Variants in DIAPH2 observed in about 807,000 individuals in gnomAD.
DIAPH2 encodes protein diaphanous homolog 2.
DIAPH2 carries 35 observed loss-of-function variants against 92.7 expected under a neutral mutation model. The ratio of observed to expected loss-of-function variants is 0.38; its 90% confidence interval spans 0.29 to 0.50. The LOEUF (loss-of-function observed/expected upper bound fraction) is 0.50, where lower values mean the gene tolerates loss of function less well. Ranked by LOEUF, DIAPH2 falls within the 20% of genes least tolerant of loss-of-function variation. The pLI is 0.94. For synonymous variants in DIAPH2, 301 were observed against 280.4 expected (o/e 1.07, Z -0.73); for missense variants, 701 against 819.5 (o/e 0.86, Z 1.77).
rs1239959717 is a variant in DIAPH2, at chrX:97,045,848, A to ACTTTTTTTTTTTTTTTTTTTTTTTTTTTT, written c.2051-27093_2051-27092insCTTTTTTTTTTTTTTTTTTTTTTTTTTTT. 3.1e-5 allele frequency among the ~76,000 whole-genome samples: 2 copies of ACTTTTTTTTTTTTTTTTTTTTTTTTTTTT among 64,445 alleles called. 1 individual carries two copies. Among genetic ancestry groups the ACTTTTTTTTTTTTTTTTTTTTTTTTTTTT allele is most frequent in the African/African-American group, 1.2e-4 (2 of 16,620 alleles). The allele number at this position is 64,445 out of a possible 115,157, so 56.0% of individuals were successfully genotyped here. On this transcript the variant is annotated intron_variant, in intron 17 of 26. Transcript: ENST00000324765. ...GGGTATGGTATTAGGGTATTTTAGG[A>ACTTTTTTTTTTTTTTTTTTTTTTTTTTTT]TTTTTTTTTTTTTTTTTTTTTTTGA...
intron 22 of DIAPH2, among the ~76,000 whole-genome samples, chrX:97,194,934 G>C (rs1421852487): frequency 9.0e-6 from 1 of 111,701 alleles, no homozygotes; most frequent in African/African-American, 3.3e-5. Flanking sequence ...TAAACCATTT[G>C]GTTGGGGAGT....
intron 22 of DIAPH2, among the ~76,000 whole-genome samples, chrX:97,166,433 G>A (rs761937196): frequency 2.7e-5 from 3 of 111,584 alleles, no homozygotes; most frequent in Non-Finnish European, 5.6e-5. Context: ...TGGGAGATGC[G>A]AATACCTATT....
chrX:96,731,065 T>G (rs996941495), intron 1 of DIAPH2, among the ~76,000 whole-genome samples: 5 of 111,002 alleles, frequency 4.5e-5, no homozygotes, highest in African/African-American at 1.6e-4. Context: ...TGTCATCAGT[T>G]AAGGCAAGGA....
rs188161785 is a variant in DIAPH2, at chrX:97,534,637, G to A, written c.3242-64616G>A. On this transcript the variant is annotated intron_variant, in intron 26 of 26. Transcript: ENST00000324765. ...TAACATTCTCCATAAATAGCTTATT[G>A]TAGTGTTACAATGAAAGAAAAATTT... Among the ~76,000 whole-genome samples the A allele has an allele frequency of 9.3e-3, 1,030 of 110,562 alleles. 21 individuals are homozygous for A. Among genetic ancestry groups the A allele is most frequent in the African/African-American group, 0.031 (942 of 30,433 alleles).
At chrX:96,916,706 T>C in intron 8 of DIAPH2, 132 bp downstream of exon 8, 1 of 685,424 alleles carries the variant, frequency 1.5e-6, no homozygotes, top group Admixed American at 4.9e-5. Context: ...TGATTGAAAT[T>C]TTTATCTTGC....
At chrX:97,323,515 C>A (rs1426349208) in intron 23 of DIAPH2, among the ~76,000 whole-genome samples, 1 of 98,599 alleles carries the variant, frequency 1.0e-5, no homozygotes, top group Non-Finnish European at 2.0e-5. Context: ...GGCGTGAACC[C>A]GGGAGGCGGA....
At chrX:96,707,712 C>T (rs1286682255) in intron 1 of DIAPH2, among the ~76,000 whole-genome samples, 1 of 110,709 alleles carries the variant, frequency 9.0e-6, no homozygotes, top group African/African-American at 3.3e-5. Flanking sequence ...ATGCTTGGCA[C>T]ATTGCTGTAG....
At chrX:96,808,788 A>G (rs182517622) in intron 4 of DIAPH2, among the ~76,000 whole-genome samples, 2 of 111,765 alleles carry the variant, frequency 1.8e-5, no homozygotes, top group East Asian at 2.8e-4. Context: ...CTTTTTAAGG[A>G]TACTACCTGT....
At chrX:97,190,245 A>G (rs1400680355) in intron 22 of DIAPH2, among the ~76,000 whole-genome samples, 2 of 112,271 alleles carry the variant, frequency 1.8e-5, no homozygotes, top group African/African-American at 6.5e-5. Context: ...TGAATGATAG[A>G]GGTTTTTAGT....
rs774504499 is a variant in DIAPH2 at position 97,123,476 on chromosome X, G to T, written c.2589+8511G>T. Among the ~76,000 whole-genome samples the T allele has an allele frequency of 1.2e-3, 139 of 112,478 alleles. No homozygotes were observed. In the Middle Eastern group the frequency reaches 0.018, roughly 15 times the overall value. ...AGAACACTAAATTTTTTAAAGGAAAGAATTCTCCATAAGGTCTTTTAATTG... is the reference window on the plus strand; with the variant it reads ...AGAACACTAAATTTTTTAAAGGAAATAATTCTCCATAAGGTCTTTTAATTG... On this transcript the variant is annotated intron_variant, in intron 21 of 26. Transcript: ENST00000324765.
At chrX:96,867,112 T>C (rs1476919763) in intron 4 of DIAPH2, among the ~76,000 whole-genome samples, 2 of 112,202 alleles carry the variant, frequency 1.8e-5, no homozygotes, top group African/African-American at 6.5e-5. Context: ...TGACATGATA[T>C]ATAGCACTTA....
At chrX:96,936,213 A>AG (rs2065656360) in intron 10 of DIAPH2, among the ~76,000 whole-genome samples, 2 of 112,084 alleles carry the variant, frequency 1.8e-5, no homozygotes, top group Admixed American at 1.9e-4. Flanking sequence ...TGTGAGTGTT[A>AG]GAAAAAAAAG....
chrX:97,499,435 C>T (rs751730483), intron 26 of DIAPH2, among the ~76,000 whole-genome samples: 22 of 111,524 alleles, frequency 2.0e-4, no homozygotes, highest in Admixed American at 1.5e-3. Flanking sequence ...TTAGATTCAG[C>T]GGGTACATGT....
chrX:96,763,790 G>A (rs988860940), intron 4 of DIAPH2, among the ~76,000 whole-genome samples: 2 of 111,192 alleles, frequency 1.8e-5, no homozygotes, highest in Middle Eastern at 4.7e-3. Context: ...AAAGTGGCCC[G>A]TACTGTGATT....
rs908546673 is a variant in DIAPH2 at position 97,413,144 on chromosome X, T to C, written c.3146-16506T>C. Among the ~76,000 whole-genome samples the C allele has an allele frequency of 4.4e-4, 49 of 111,686 alleles. No individual in the cohort carries two copies. In the Admixed American group the frequency reaches 4.5e-3, roughly 10 times the overall value. Reference sequence around the variant, plus strand: ...CCAATATCCCTGATGAACATCGATGTGAAAATCCTCAATAAAATAGTGGTA... The same window carrying C: ...CCAATATCCCTGATGAACATCGATGCGAAAATCCTCAATAAAATAGTGGTA... On this transcript the variant is annotated intron_variant, in intron 25 of 26. Transcript: ENST00000324765.
At chrX:97,025,415 G>T (rs1183238661) in intron 17 of DIAPH2, among the ~76,000 whole-genome samples, 2 of 109,328 alleles carry the variant, frequency 1.8e-5, no homozygotes, top group Non-Finnish European at 3.8e-5. Flanking sequence ...ACTTCGGGAG[G>T]CTGAGGCGGG....
chrX:97,355,180 T>C (rs913182331), intron 24 of DIAPH2, among the ~76,000 whole-genome samples: 3 of 111,985 alleles, frequency 2.7e-5, no homozygotes, highest in African/African-American at 9.7e-5. Flanking sequence ...GCCTCAGTCA[T>C]GTCTAAATCT....
chrX:96,807,783 A>G (rs887747316), intron 4 of DIAPH2, among the ~76,000 whole-genome samples: 5 of 107,527 alleles, frequency 4.6e-5, no homozygotes, highest in Non-Finnish European at 9.6e-5. Flanking sequence ...CAGGAATTCA[A>G]TAAACTTGGT....
intron 19 of DIAPH2, among the ~76,000 whole-genome samples, chrX:97,089,721 ATTATT>A (rs2066808738): frequency 9.1e-6 from 1 of 110,240 alleles, no homozygotes; most frequent in African/African-American, 3.3e-5. Flanking sequence ...AAAATAATCA[ATTATT>A]TTATTTTATT....
Sources: gnomAD v4.1 joint callset for allele counts (sites outside exome capture counted in the v4.1 genomes callset) on GRCh38, gnomAD v4.1.1 for gene constraint, MANE v1.5 for transcripts, NCBI Gene and HGNC (gene_info 2026-07-23, HGNC 2026-07-21) for gene names.